The following GRXCR2 variants were observed in gnomAD, a reference collection of about 807,000 sequenced individuals.
GRXCR2 encodes glutaredoxin domain-containing cysteine-rich protein 2.
In GRXCR2, 23 loss-of-function variants were observed where a neutral mutation model predicts 24.8. The ratio of observed to expected loss-of-function variants is 0.93; its 90% CI spans 0.67 to 1.32. The LOEUF (loss-of-function observed/expected upper bound fraction) is 1.32, where lower values mean the gene tolerates loss of function less well. Ranked by LOEUF, GRXCR2 falls within the 40% of genes most tolerant of loss-of-function variation. The probability of loss-of-function intolerance (pLI) is 0.00; values close to 1 mark genes in which losing one functional copy is unlikely to be tolerated. For missense variants in GRXCR2, 315 were observed against 303.4 expected (o/e 1.04, Z -0.28); for synonymous variants, 130 against 116.1 (o/e 1.12, Z -0.77).
At chr5:145,914,305 C>T (rs1449870953) in intron 2 of GRXCR2, among the ~76,000 whole-genome samples, 1 of 152,046 alleles carries the variant, frequency 6.6e-6, no homozygotes, top group African/African-American at 2.4e-5. Context: ...TTCACTTGGT[C>T]TAAGTTGGGA....
At chr5:145,924,777 A>G (rs2149929689) in intron 2 of GRXCR2, among the ~76,000 whole-genome samples, 1 of 152,286 alleles carries the variant, frequency 6.6e-6, no homozygotes, top group South Asian at 2.1e-4. Flanking sequence ...GCACAAAACA[A>G]TGTTAATTGT....
intron 2 of GRXCR2, among the ~76,000 whole-genome samples, chr5:145,911,372 C>A (rs1757165003): frequency 6.6e-6 from 1 of 152,190 alleles, no homozygotes; most frequent in Non-Finnish European, 1.5e-5. Flanking sequence ...GTTCCCAGGG[C>A]AGCTGCAGTT....
In GRXCR2 at chr5:145,887,472, T is replaced by G. The variant is rs1439319384; in HGVS notation, c.-69-20744A>C. 2.0e-5 allele frequency among the ~76,000 whole-genome samples: 3 copies of G among 152,336 alleles called. No homozygotes were observed. In the East Asian group the frequency reaches 5.8e-4, roughly 29 times the overall value. The stretch of plus-strand genomic sequence containing the variant: ...GAACTTTGTGGAAACATTTATTTTT[T>G]AGTACTGTACTCAAAATGAATGAAC... On this transcript the variant is annotated intron_variant, in intron 2 of 3. Coordinates refer to the GRXCR2 transcript ENST00000639411.
chr5:145,874,426 T>C (rs1182311238), upstream of GRXCR2, among the ~76,000 whole-genome samples: 1 of 152,038 alleles, frequency 6.6e-6, no homozygotes, highest in African/African-American at 2.4e-5. Context: ...ATGGTCTCAA[T>C]CTCTTGACCT....
rs569217930 is a variant in GRXCR2 at position 145,868,805 on chromosome 5, T to A, written c.337-2077A>T. On this transcript the variant is annotated intron_variant, in intron 1 of 2. Coordinates refer to ENST00000377976, the MANE Select transcript of GRXCR2 (RefSeq NM_001080516.2). ...TTTGATGTACCCCAAAGATGGAGGGTCTCAAGTCACTTTTAAGGTGTGTTT... is the reference window on the plus strand; with the variant it reads ...TTTGATGTACCCCAAAGATGGAGGGACTCAAGTCACTTTTAAGGTGTGTTT... 4.5e-4 allele frequency among the ~76,000 whole-genome samples: 68 copies of A among 152,246 alleles called. No homozygotes were observed. The Middle Eastern group carries it at 0.014, about 30-fold the overall frequency.
upstream of GRXCR2, among the ~76,000 whole-genome samples, chr5:145,877,293 C>T (rs1335726537): frequency 6.6e-6 from 1 of 150,840 alleles, no homozygotes; most frequent in Non-Finnish European, 1.5e-5. Context: ...AGAGGAGACA[C>T]TTGTCCTTAG....
At chr5:145,887,390 A>G (rs532213946) in intron 2 of GRXCR2, among the ~76,000 whole-genome samples, 19 of 152,384 alleles carry the variant, frequency 1.2e-4, no homozygotes, top group African/African-American at 4.6e-4. Context: ...CTACCCTATT[A>G]GACAGCTAGT....
intron 2 of GRXCR2, among the ~76,000 whole-genome samples, chr5:145,878,615 A>G (rs1756654260): frequency 6.6e-6 from 1 of 152,164 alleles, no homozygotes; most frequent in African/African-American, 2.4e-5. Context: ...CAAGTTGGAA[A>G]ACACTCTGCA....
At chr5:145,912,009 A>G (rs1238142095) in intron 2 of GRXCR2, among the ~76,000 whole-genome samples, 8 of 152,194 alleles carry the variant, frequency 5.3e-5, no homozygotes, top group Admixed American at 5.2e-4. Flanking sequence ...AGGTGAGAGG[A>G]TTACATGAGC....
intron 2 of GRXCR2, among the ~76,000 whole-genome samples, chr5:145,906,320 G>A (rs1289194575): frequency 6.6e-6 from 1 of 151,702 alleles, no homozygotes; most frequent in African/African-American, 2.4e-5. Context: ...CCAGTGAGAT[G>A]GTGTCCTTGG....
At chr5:145,896,377 T>C (rs570404396) in intron 2 of GRXCR2, among the ~76,000 whole-genome samples, 136 of 152,288 alleles carry the variant, frequency 8.9e-4, no homozygotes, top group Middle Eastern at 3.4e-3. Context: ...TTTTGCAATC[T>C]ACTCATCTGA....
intron 2 of GRXCR2, among the ~76,000 whole-genome samples, chr5:145,912,059 T>C (rs1388089569): frequency 6.6e-6 from 1 of 152,210 alleles, no homozygotes; most frequent in Non-Finnish European, 1.5e-5. Flanking sequence ...ATTGTGCCAC[T>C]GCACTCCATC....
chr5:145,909,492 C>A lies in GRXCR2; in HGVS notation c.-70+26209G>T, dbSNP rs374628782. 6.6e-5 allele frequency among the ~76,000 whole-genome samples: 10 copies of A among 151,460 alleles called. No individual in the cohort carries two copies. The South Asian group carries it at 2.1e-3, about 32-fold the overall frequency. On this transcript the variant is annotated intron_variant, in intron 2 of 3. Coordinates refer to the GRXCR2 transcript ENST00000639411. Reference sequence around the variant, plus strand: ...TCACATGTCACACTTTCAGAGAAGACTTTCCTGACCATCAAACTAAAGCAG... The same window carrying A: ...TCACATGTCACACTTTCAGAGAAGAATTTCCTGACCATCAAACTAAAGCAG...
chr5:145,899,435 G>C (rs893139002), intron 2 of GRXCR2, among the ~76,000 whole-genome samples: 2 of 151,972 alleles, frequency 1.3e-5, no homozygotes, highest in African/African-American at 4.8e-5. Flanking sequence ...AATAAAAAAA[G>C]AGCTCAAATA....
rs752981851 is a variant in GRXCR2, at chr5:145,872,752, G to C, written c.217C>G (p.Pro73Ala). Residue 73 changes from proline to alanine, a missense_variant, in exon 1 of 3, where the codon CCC (proline) becomes GCC (alanine). Pro to Ala is a conservative substitution (Grantham distance 27). Coordinates refer to ENST00000377976, the MANE Select transcript of GRXCR2 (RefSeq NM_001080516.2). ...GTCAGCTTAGGGGAGCACATCTGGG[G>C]CCTGGGGACTTCCCCAGACCCATAA... is the stretch of plus-strand genomic sequence containing the variant. ...GVYGSGEVPRPQMCSPKLTAQ... is the reference protein window; with the variant it reads ...GVYGSGEVPRAQMCSPKLTAQ... 6 of 1,613,946 alleles carry C rather than the reference G, an allele frequency of 3.7e-6. No individual in the cohort carries two copies. Among genetic ancestry groups the C allele is most frequent in the Non-Finnish European group, 4.2e-6 (5 of 1,179,810 alleles).
rs1383051811 is a variant in GRXCR2, at chr5:145,872,957, AG to A, written c.11del (p.Pro4LeufsTer5). 1 of 1,613,902 alleles carries A rather than the reference AG, an allele frequency of 6.2e-7. No homozygotes were observed. The highest frequency in any genetic ancestry group is 1.1e-5 in the South Asian group (1 of 91,076). MED[P>X]EKKLNQKSDG... ...CACTCTTCTGATTCAGCTTTTTCTC[AG>A]GGTCCTCCATCAGCAGAAAGTTGAC... On this transcript the variant is annotated frameshift_variant, in exon 1 of 3. Transcript: ENST00000377976. LOFTEE classifies it high-confidence loss of function.
chr5:145,879,890 C>T (rs967034968), intron 2 of GRXCR2, among the ~76,000 whole-genome samples: 1 of 152,174 alleles, frequency 6.6e-6, no homozygotes, highest in Non-Finnish European at 1.5e-5. Flanking sequence ...TTAAGAAACT[C>T]ACTCAAAACC....
intron 2 of GRXCR2, among the ~76,000 whole-genome samples, chr5:145,920,093 A>G (rs1455247053): frequency 2.6e-5 from 4 of 152,174 alleles, no homozygotes; most frequent in Non-Finnish European, 2.9e-5. Context: ...TAGTGCTACA[A>G]AAATTGAAAA....
At chr5:145,867,753 A>G (rs1443191670) in intron 1 of GRXCR2, among the ~76,000 whole-genome samples, 1 of 152,198 alleles carries the variant, frequency 6.6e-6, no homozygotes, top group Non-Finnish European at 1.5e-5. Context: ...ACATACGGGA[A>G]AGTCATGTAA....
Sources: gnomAD v4.1 joint callset for allele counts (sites outside exome capture counted in the v4.1 genomes callset) on GRCh38, gnomAD v4.1.1 for gene constraint, MANE v1.5 for transcripts, NCBI Gene and HGNC (gene_info 2026-07-23, HGNC 2026-07-21) for gene names.